ACAP2: variants seen among roughly 807,000 people sequenced by gnomAD.
The protein encoded by ACAP2 is ArfGAP with coiled-coil, ankyrin repeat and PH domains 2, also known as arf-GAP with coiled-coil, ANK repeat and PH domain-containing protein 2.
Under a neutral mutation model 115.8 loss-of-function variants are expected in ACAP2, and 39 were observed. That is an observed-to-expected ratio of 0.34 (90% CI 0.26 to 0.44). ACAP2 has a LOEUF of 0.44. ACAP2 is among the 20% of genes least tolerant of loss of function. The pLI is 1.00. For missense variants in ACAP2, 662 were observed against 927.6 expected (o/e 0.71, Z 3.72); for synonymous variants, 289 against 315.8 (o/e 0.92, Z 0.90).
At chr3:195,409,938 A>G (rs1713122566) in intron 1 of ACAP2, among the ~76,000 whole-genome samples, 1 of 151,050 alleles carries the variant, frequency 6.6e-6, no homozygotes, top group African/African-American at 2.4e-5. Flanking sequence ...TAAAATTCAT[A>G]TGAAATCTCA....
At chr3:195,440,773 T>C (rs1372747071) in intron 1 of ACAP2, among the ~76,000 whole-genome samples, 1 of 152,194 alleles carries the variant, frequency 6.6e-6, no homozygotes, top group Non-Finnish European at 1.5e-5. Flanking sequence ...ATTAAGAATA[T>C]GAATAATGAA....
intron 1 of ACAP2, among the ~76,000 whole-genome samples, chr3:195,439,869 C>T (rs1037666759): frequency 2.0e-5 from 3 of 152,158 alleles, no homozygotes; most frequent in South Asian, 2.1e-4. Context: ...TTAAGTGATC[C>T]GCCGTCCTCC....
At position 195,279,052 on chromosome 3, in the gene ACAP2, G is replaced by T; in HGVS notation, c.*276C>A. On this transcript the variant is annotated 3_prime_UTR_variant, in exon 23 of 23. Coordinates refer to ENST00000326793, the MANE Select transcript of ACAP2 (RefSeq NM_012287.6). The stretch of plus-strand genomic sequence containing the variant: ...CTTTTGTCTAACCTCCTATCATCTT[G>T]TAACCTAGAGATGGCCTAAATCTAG... 2 of 252,554 alleles carry T rather than the reference G, an allele frequency of 7.9e-6. No homozygotes were observed. Among genetic ancestry groups the T allele is most frequent in the South Asian group, 8.8e-5 (1 of 11,378 alleles). 15.6% of individuals were successfully genotyped at this position (252,554 alleles called of 1,614,324 possible). A position where few individuals can be genotyped will look rare whatever the true frequency, so the allele number is the denominator to read the frequency against.
intron 1 of ACAP2, 127 bp downstream of exon 1, chr3:195,442,668 C>T: frequency 2.9e-6 from 3 of 1,035,920 alleles, no homozygotes; most frequent in South Asian, 3.5e-5. Flanking sequence ...GAAACGGCGG[C>T]AACAGCCGCT....
chr3:195,332,999 C>T (rs371955395), intron 8 of ACAP2, 29 bp downstream of exon 8: 19 of 1,505,946 alleles, frequency 1.3e-5, no homozygotes, highest in Non-Finnish European at 1.6e-5. Flanking sequence ...ATGTATAAAA[C>T]AGAATCAAGA....
chr3:195,436,788 C>T (rs572121817), intron 1 of ACAP2, among the ~76,000 whole-genome samples: 3 of 152,104 alleles, frequency 2.0e-5, no homozygotes, highest in Non-Finnish European at 4.4e-5. Flanking sequence ...ATGTGCGATT[C>T]ATTTTAAATC....
intron 5 of ACAP2, among the ~76,000 whole-genome samples, chr3:195,343,661 T>C (rs1210101951): frequency 6.6e-6 from 1 of 152,212 alleles, no homozygotes; most frequent in Non-Finnish European, 1.5e-5. Flanking sequence ...TCTGAAAGAA[T>C]CGTTACATCA....
At chr3:195,440,902 T>C (rs1307192254) in intron 1 of ACAP2, among the ~76,000 whole-genome samples, 2 of 152,264 alleles carry the variant, frequency 1.3e-5, no homozygotes, top group Non-Finnish European at 2.9e-5. Context: ...CTAACAATAA[T>C]TGGAATATGG....
intron 2 of ACAP2, among the ~76,000 whole-genome samples, chr3:195,391,444 T>A (rs1165498864): frequency 6.6e-6 from 1 of 151,502 alleles, no homozygotes; most frequent in Non-Finnish European, 1.5e-5. Context: ...CAGACTGGTC[T>A]CAAACTCCTG....
At chr3:195,406,875 G>A (rs1317531004) in intron 1 of ACAP2, among the ~76,000 whole-genome samples, 4 of 152,152 alleles carry the variant, frequency 2.6e-5, no homozygotes. Context: ...AATATGTTGT[G>A]TCTGACAGAA....
chr3:195,354,736 T>C (rs2108679672), intron 4 of ACAP2, among the ~76,000 whole-genome samples: 1 of 152,366 alleles, frequency 6.6e-6, no homozygotes, highest in South Asian at 2.1e-4. Context: ...CATCGTGAAC[T>C]CTTGGCCCAT....
intron 1 of ACAP2, among the ~76,000 whole-genome samples, chr3:195,405,390 T>C (rs760368186): frequency 3.9e-5 from 6 of 152,146 alleles, no homozygotes; most frequent in Non-Finnish European, 7.4e-5. Flanking sequence ...TTCATTGCTA[T>C]AAAGAAACAC....
At chr3:195,288,678 T>C (rs893704943) in intron 21 of ACAP2, among the ~76,000 whole-genome samples, 1 of 151,992 alleles carries the variant, frequency 6.6e-6, no homozygotes, top group Non-Finnish European at 1.5e-5. Context: ...GCCAACATGG[T>C]GAAACCCCAT....
At chr3:195,296,956 A>C (rs1045992854) in intron 16 of ACAP2, among the ~76,000 whole-genome samples, 1 of 152,142 alleles carries the variant, frequency 6.6e-6, no homozygotes, top group Non-Finnish European at 1.5e-5. Context: ...CTACATTCCT[A>C]TGCAGAGCCC....
At chr3:195,294,373 T>C (rs928392030) in intron 18 of ACAP2, among the ~76,000 whole-genome samples, 2 of 150,390 alleles carry the variant, frequency 1.3e-5, no homozygotes, top group Non-Finnish European at 1.5e-5. Context: ...AGGTCAGGAG[T>C]TCGAGACCAG....
At chr3:195,418,615 G>C (rs1219838790) in intron 1 of ACAP2, among the ~76,000 whole-genome samples, 1 of 152,040 alleles carries the variant, frequency 6.6e-6, no homozygotes, top group Non-Finnish European at 1.5e-5. Flanking sequence ...AATTTTTGTA[G>C]AAACAGGTCA....
rs188306800 is a variant in ACAP2, at chr3:195,409,583, T to C, written c.54-17436A>G. On this transcript the variant is annotated intron_variant, in intron 1 of 22. Coordinates refer to ENST00000326793, the MANE Select transcript of ACAP2 (RefSeq NM_012287.6). ...ATCACAATGATGTTTTTTGTAGAAA[T>C]AGAAAAACCTGGCTGGGCACAGTGG... is the stretch of plus-strand genomic sequence containing the variant. 1.8e-4 allele frequency among the ~76,000 whole-genome samples: 28 copies of C among 152,034 alleles called. 1 individual carries two copies. In the East Asian group the frequency reaches 2.5e-3, roughly 14 times the overall value.
chr3:195,416,721 C>T (rs1012897089), intron 1 of ACAP2, among the ~76,000 whole-genome samples: 2 of 152,080 alleles, frequency 1.3e-5, no homozygotes, highest in Admixed American at 1.3e-4. Context: ...TAATGAATTT[C>T]CAAGTAGCAC....
chr3:195,408,550 C>T (rs572015940), intron 1 of ACAP2, among the ~76,000 whole-genome samples: 1 of 152,254 alleles, frequency 6.6e-6, no homozygotes, highest in East Asian at 1.9e-4. Flanking sequence ...TACACCAACC[C>T]TTCTCAGACT....
Sources: allele counts gnomAD v4.1 joint callset (sites outside exome capture counted in the v4.1 genomes callset), GRCh38; gene constraint gnomAD v4.1.1; transcripts MANE v1.5; gene names NCBI Gene and HGNC (gene_info 2026-07-23, HGNC 2026-07-21).